Variants in PPP1R13B observed in about 807,000 individuals in gnomAD.
The protein encoded by PPP1R13B is protein phosphatase 1 regulatory subunit 13B, also known as apoptosis-stimulating of p53 protein 1.
PPP1R13B carries 44 observed loss-of-function variants against 119.8 expected under a neutral mutation model. That is an observed-to-expected ratio of 0.37 (90% CI 0.29 to 0.47). The LOEUF (loss-of-function observed/expected upper bound fraction) is 0.47. Among genes scored for constraint, PPP1R13B ranks in the 20% least tolerant of loss-of-function variants. The probability of loss-of-function intolerance (pLI) is 0.99; values close to 1 mark genes in which losing one functional copy is unlikely to be tolerated. For missense variants in PPP1R13B, 1,227 were observed against 1,413.5 expected (o/e 0.87, Z 2.12); for synonymous variants, 542 against 561.5 (o/e 0.97, Z 0.49).
At chr14:103,833,071 G>A (rs561752214) in intron 1 of PPP1R13B, among the ~76,000 whole-genome samples, 2 of 152,240 alleles carry the variant, frequency 1.3e-5, no homozygotes, top group East Asian at 3.9e-4. Flanking sequence ...GGTGATAATG[G>A]TTGCTAAACA....
rs548667194 is a variant in PPP1R13B at position 103,790,051 on chromosome 14, G to A, written c.158-5137C>T. On this transcript the variant is annotated intron_variant, in intron 2 of 16. Coordinates refer to ENST00000202556, the MANE Select transcript of PPP1R13B (RefSeq NM_015316.3). ...ACTTGAGGTCAAGAGTTCCAGACCA[G>A]CCTGGCCAACATGGTAAAACCCTGT... 1.5e-4 allele frequency among the ~76,000 whole-genome samples: 23 copies of A among 151,930 alleles called. No homozygotes were observed. The South Asian group carries it at 4.2e-3, about 27-fold the overall frequency.
At chr14:103,798,147 A>C (rs1447319952) in intron 1 of PPP1R13B, among the ~76,000 whole-genome samples, 1 of 141,148 alleles carries the variant, frequency 7.1e-6, no homozygotes, top group Non-Finnish European at 1.5e-5. Context: ...TAAATATAAT[A>C]ATCTCTTTTT....
At chr14:103,832,323 G>C (rs920464804) in intron 1 of PPP1R13B, among the ~76,000 whole-genome samples, 2 of 152,156 alleles carry the variant, frequency 1.3e-5, no homozygotes, top group African/African-American at 4.8e-5. Context: ...CTCAACCTCA[G>C]GTTGTGCTTG....
intron 1 of PPP1R13B, among the ~76,000 whole-genome samples, chr14:103,811,381 G>A (rs1458281840): frequency 1.2e-4 from 18 of 152,164 alleles, no homozygotes; most frequent in Non-Finnish European, 4.4e-5. Flanking sequence ...TAAAGGACTT[G>A]GCCAGGTGTG....
intron 1 of PPP1R13B, among the ~76,000 whole-genome samples, chr14:103,798,592 G>T (rs1402317487): frequency 6.6e-6 from 1 of 152,150 alleles, no homozygotes; most frequent in East Asian, 1.9e-4. Flanking sequence ...TTCCTTTAAA[G>T]AAATTAGCCA....
At chr14:103,834,771 T>G (rs2086737411) in intron 1 of PPP1R13B, among the ~76,000 whole-genome samples, 1 of 151,862 alleles carries the variant, frequency 6.6e-6, no homozygotes, top group Non-Finnish European at 1.5e-5. Flanking sequence ...TTTTGTATTC[T>G]TAGTGGAGAT....
chr14:103,754,290 C>T (rs770143201), intron 5 of PPP1R13B, 46 bp from the exon 6 acceptor site: 13 of 1,562,144 alleles, frequency 8.3e-6, no homozygotes, highest in South Asian at 3.5e-5. Flanking sequence ...GAAGGCTGGG[C>T]GCGGTGGCTC....
At chr14:103,769,441 T>C (rs1299834106) in intron 4 of PPP1R13B, among the ~76,000 whole-genome samples, 2 of 152,112 alleles carry the variant, frequency 1.3e-5, no homozygotes, top group East Asian at 3.8e-4. Flanking sequence ...TGTCTCACTA[T>C]GTTACCCAGG....
At chr14:103,787,977 G>T (rs1799715727) in intron 2 of PPP1R13B, among the ~76,000 whole-genome samples, 1 of 151,878 alleles carries the variant, frequency 6.6e-6, no homozygotes, top group African/African-American at 2.4e-5. Context: ...GCCGGGTGTG[G>T]TGGCACACAT....
chr14:103,845,145 G>A (rs540219394), intron 1 of PPP1R13B, among the ~76,000 whole-genome samples: 1 of 152,226 alleles, frequency 6.6e-6, no homozygotes, highest in Non-Finnish European at 1.5e-5. Flanking sequence ...TACACAAACT[G>A]CAAAATATGA....
In PPP1R13B at chr14:103,734,304, C is replaced by A. The variant is rs1340791788; in HGVS notation, c.*850G>T. ...CCCCGTCTACCTGGCCCTGGTCTGC[C>A]CTCACACCAGTCCACCCCCAGCCCC... On this transcript the variant is annotated 3_prime_UTR_variant, in exon 17 of 17. Transcript: ENST00000202556. 2 of 355,362 alleles carry A rather than the reference C, an allele frequency of 5.6e-6. No individual in the cohort carries two copies. The allele number at this position is 355,362 out of a possible 1,614,324, so 22.0% of individuals were successfully genotyped here.
In PPP1R13B at chr14:103,742,026, G is replaced by A. The variant is rs1421556546; in HGVS notation, c.1586C>T (p.Thr529Met). The A allele has an allele frequency of 8.7e-6, 14 of 1,614,142 alleles. No individual in the cohort carries two copies. The East Asian group carries it at 1.1e-4, about 13-fold the overall frequency. ...QQRISVPPSPTYPPAGPPAFP... is the reference protein window; with the variant it reads ...QQRISVPPSPMYPPAGPPAFP... ...TGCAGGTGGTCCCGCTGGCGGGTAC[G>A]TGGGACTTGGCGGTACGGAAATCCT... Residue 529 changes from threonine to methionine, a missense_variant, in exon 11 of 17, where the codon ACG becomes ATG. Transcript: ENST00000202556. The surrounding 1 kb of genome is among the most constrained non-coding windows in gnomAD (Gnocchi z 4.9).
chr14:103,815,795 A>T (rs972960659), intron 1 of PPP1R13B, among the ~76,000 whole-genome samples: 1 of 151,274 alleles, frequency 6.6e-6, no homozygotes, highest in Non-Finnish European at 1.5e-5. Context: ...ATAATAAAAA[A>T]AAGTACGGCC....
chr14:103,754,074 A>T lies in PPP1R13B; in HGVS notation c.627T>A (p.Asn209Lys), dbSNP rs2151981792. 3 of 1,613,870 alleles carry T rather than the reference A, an allele frequency of 1.9e-6. No individual in the cohort carries two copies. Among genetic ancestry groups the T allele is most frequent in the East Asian group, 4.5e-5 (2 of 44,870 alleles). ...QVDYSKIMNG[N>K]LSAEIERFSA... ...GGGGGTGTTGCAGGCACGTACACAG[A>T]TTGCCGTTCATGATTTTGCTGTAGT... Residue 209 changes from asparagine to lysine, a missense_variant, in exon 6 of 17, where the codon AAT becomes AAA. By Grantham distance (94) the Asn-to-Lys change is moderately conservative (BLOSUM62 0). Coordinates refer to ENST00000202556, the MANE Select transcript of PPP1R13B (RefSeq NM_015316.3).
chr14:103,786,428 C>G (rs1320516986), intron 2 of PPP1R13B, among the ~76,000 whole-genome samples: 1 of 152,104 alleles, frequency 6.6e-6, no homozygotes, highest in Admixed American at 6.6e-5. Context: ...ATTCCATTTT[C>G]CTTCTCTGTG....
intron 1 of PPP1R13B, among the ~76,000 whole-genome samples, chr14:103,831,218 C>T (rs2086657955): frequency 6.6e-6 from 1 of 151,860 alleles, no homozygotes; most frequent in African/African-American, 2.4e-5. Context: ...GCTGGGATTA[C>T]AGGCATGAGC....
rs1246984313 is a variant in PPP1R13B at position 103,734,552 on chromosome 14, C to G, written c.*602G>C. 1 of 456,326 alleles carries G rather than the reference C, an allele frequency of 2.2e-6. No individual in the cohort carries two copies. The highest frequency in any genetic ancestry group is 4.4e-6 in the Non-Finnish European group (1 of 226,808). The allele number at this position is 456,326 out of a possible 1,614,324, so 28.3% of individuals were successfully genotyped here. On this transcript the variant is annotated 3_prime_UTR_variant, in exon 17 of 17. Transcript: ENST00000202556. ...ACAGTGCTGGGCCTGCACAATCAGC[C>G]TTTAGGTGAACTGGAACAGGAAGCG...
chr14:103,765,992 A>T (rs948623721), intron 4 of PPP1R13B, among the ~76,000 whole-genome samples: 2 of 138,782 alleles, frequency 1.4e-5, no homozygotes, highest in Non-Finnish European at 3.0e-5. Context: ...TTATTTTATT[A>T]TTATTATTAT....
At chr14:103,768,702 T>C (rs1253323945) in intron 4 of PPP1R13B, among the ~76,000 whole-genome samples, 1 of 152,096 alleles carries the variant, frequency 6.6e-6, no homozygotes, top group East Asian at 1.9e-4. Context: ...CCCAAAGTGC[T>C]GGGATTACAG....
Sources: allele counts gnomAD v4.1 joint callset (sites outside exome capture counted in the v4.1 genomes callset), GRCh38; gene constraint gnomAD v4.1.1; non-coding constraint Gnocchi (gnomAD v3.1); transcripts MANE v1.5; gene names NCBI Gene and HGNC (gene_info 2026-07-23, HGNC 2026-07-21).